Variants in LAMB4 observed in about 807,000 individuals in gnomAD.
The protein encoded by LAMB4 is laminin subunit beta 4, also known as laminin subunit beta-4.
A neutral mutation model predicts 199.2 loss-of-function variants in LAMB4; 196 were observed. The ratio of observed to expected loss-of-function variants is 0.98; its 90% CI spans 0.88 to 1.11. The LOEUF is 1.11. LAMB4 is among the 50% of genes least tolerant of loss of function. The pLI is 0.00. For missense variants in LAMB4, 2,080 were observed against 2,171.2 expected, an observed-to-expected ratio of 0.96 and a Z score of 0.83; for synonymous variants, 744 against 770.6, an observed-to-expected ratio of 0.97 and a Z score of 0.57.
chr7:108,106,343 A>G (rs1245076705), intron 7 of LAMB4, among the ~76,000 whole-genome samples, 166 bp downstream of exon 7: 3 of 152,030 alleles, frequency 2.0e-5, no homozygotes, highest in African/African-American at 4.8e-5. Context: ...GCTTGAACCC[A>G]GGAGGCGGAG....
chr7:108,106,635 T>TA, intron 6 of LAMB4, 63 bp from the exon 7 acceptor site: 2 of 929,918 alleles, frequency 2.2e-6, no homozygotes, highest in Non-Finnish European at 3.3e-6. Context: ...TCAAACACAC[T>TA]CTTTTTTTTT....
At chr7:108,014,356 G>A in the LAMB4 span, among the ~76,000 whole-genome samples, 1 of 152,182 alleles carries the variant, frequency 6.6e-6, no homozygotes, top group East Asian at 1.9e-4. Flanking sequence ...GGTCTGTTTG[G>A]GTTTGGATGC....
At chr7:108,088,823 G>A (rs557334474) in intron 14 of LAMB4, among the ~76,000 whole-genome samples, 1 of 152,302 alleles carries the variant, frequency 6.6e-6, no homozygotes, top group South Asian at 2.1e-4. Flanking sequence ...TGCACAGAAG[G>A]TGTATGGTGA....
At chr7:108,124,194 T>G (rs1308795744) in intron 1 of LAMB4, among the ~76,000 whole-genome samples, 1 of 152,164 alleles carries the variant, frequency 6.6e-6, no homozygotes, top group Admixed American at 6.5e-5. Flanking sequence ...TTTTATTTTT[T>G]GTAGAGATGG....
At chr7:108,127,301 C>T (rs1251315389) in intron 1 of LAMB4, among the ~76,000 whole-genome samples, 3 of 150,472 alleles carry the variant, frequency 2.0e-5, no homozygotes, top group African/African-American at 7.4e-5. Context: ...CCAGGTGAGT[C>T]CAATGGGCAG....
In LAMB4 at chr7:108,023,966, T is replaced by C. The variant is rs1301091501; in HGVS notation, c.*73A>G. 4.5e-6 allele frequency: 6 copies of C among 1,323,198 alleles called. No individual in the cohort carries two copies. The highest frequency in any genetic ancestry group is 6.2e-6 in the Non-Finnish European group (6 of 973,372). The allele number at this position is 1,323,198 out of a possible 1,614,324, so 82.0% of individuals were successfully genotyped here. On this transcript the variant is annotated 3_prime_UTR_variant, in exon 34 of 34. Coordinates refer to ENST00000388781, the MANE Select transcript of LAMB4 (RefSeq NM_007356.3). The stretch of plus-strand genomic sequence containing the variant: ...GAAGACATTGTCAGTATTTCACAGG[T>C]TCAACAGAGCCCCAGGGGCTTGTAC...
At position 108,068,079 on chromosome 7, in the gene LAMB4, C is replaced by A. The variant is rs767879041; in HGVS notation, c.2383G>T (p.Val795Phe). 2.5e-6 allele frequency: 4 copies of A among 1,614,182 alleles called. No homozygotes were observed. The East Asian group carries it at 8.9e-5, about 36-fold the overall frequency. ...GGQCQCKPLV[V>F]GRCCDRCSTG... Reference sequence around the variant, plus strand: ...GAGCACCTGTCACAGCAGCGCCCGACCACAAGAGGTTTACACTGGCACTGG... The same window carrying A: ...GAGCACCTGTCACAGCAGCGCCCGAACACAAGAGGTTTACACTGGCACTGG... Residue 795 changes from valine to phenylalanine, a missense_variant, in exon 19 of 34, where the codon GTC becomes TTC. Physicochemically the swap from Val to Phe is conservative, Grantham distance 50. Transcript: ENST00000388781.
rs751391444 is a variant in LAMB4 at position 108,111,858 on chromosome 7, A to G, written c.281T>C (p.Val94Ala). The change falls in exon 4 of 34, where the codon GTA becomes GCA. Residue 94 changes from valine to alanine, a missense_variant. Val to Ala is a moderately conservative substitution (Grantham distance 64, BLOSUM62 0). Coordinates refer to ENST00000388781, the MANE Select transcript of LAMB4 (RefSeq NM_007356.3). ...CTTTTCTCTGTCTGGTTCAAAACTT[A>G]CAATGACATTCTCAATGGTGTGGCT... ...PNSHTIENVI[V>A]SFEPDREKKW... The G allele has an allele frequency of 1.2e-6, 2 of 1,612,312 alleles. No homozygotes were observed. Among genetic ancestry groups the G allele is most frequent in the Non-Finnish European group, 1.7e-6 (2 of 1,179,234 alleles).
intron 17 of LAMB4, among the ~76,000 whole-genome samples, chr7:108,071,830 T>A (rs558776867): frequency 6.6e-6 from 1 of 152,240 alleles, no homozygotes; most frequent in Non-Finnish European, 1.5e-5. Flanking sequence ...CAATTCATTT[T>A]CTACACTAAA....
intron 25 of LAMB4, among the ~76,000 whole-genome samples, chr7:108,052,899 A>T (rs931209448): frequency 1.3e-5 from 2 of 152,176 alleles, no homozygotes; most frequent in Non-Finnish European, 2.9e-5. Flanking sequence ...CACATTCCTC[A>T]TGATGGAGAA....
intron 14 of LAMB4, among the ~76,000 whole-genome samples, chr7:108,080,634 TA>T (rs2036895288): frequency 6.6e-6 from 1 of 152,136 alleles, no homozygotes; most frequent in African/African-American, 2.4e-5. Context: ...AAATGTTTAG[TA>T]ACAATTATGT....
At chr7:108,047,852 G>C (rs1415832802) in intron 28 of LAMB4, 56 bp downstream of exon 28, 1 of 1,403,412 alleles carries the variant, frequency 7.1e-7, no homozygotes, top group Admixed American at 1.7e-5. Flanking sequence ...TAAATTTTAA[G>C]CAGTCTGCTT....
intron 20 of LAMB4, 115 bp from the exon 21 acceptor site, chr7:108,066,034 G>C: frequency 9.3e-7 from 1 of 1,075,786 alleles, no homozygotes; most frequent in Non-Finnish European, 1.3e-6. Context: ...TATTTTAGAA[G>C]ATGTTCATTT....
chr7:108,050,988 C>T (rs1254322933), intron 26 of LAMB4, among the ~76,000 whole-genome samples: 2 of 152,150 alleles, frequency 1.3e-5, no homozygotes, highest in Non-Finnish European at 2.9e-5. Context: ...TAGGGACTTG[C>T]TGTAATGATC....
rs2036860473 is a variant in LAMB4, at chr7:108,079,780, C to G, written c.1708G>C (p.Glu570Gln). Residue 570 changes from glutamate to glutamine, a missense_variant, in exon 15 of 34, where the codon GAG (glutamate) becomes CAG (glutamine). By Grantham distance (29) the Glu-to-Gln change is conservative (BLOSUM62 2). Coordinates refer to ENST00000388781, the MANE Select transcript of LAMB4 (RefSeq NM_007356.3). ...TLQGLAPLGS[E>Q]TFGQSPAVHV... ...ACAGCAGGACTCTGGCCAAACGTCT[C>G]CGAGCCCTAAAATGGGAGAGGAATG... The G allele has an allele frequency of 6.3e-7, 1 of 1,577,062 alleles. No homozygotes were observed. Among genetic ancestry groups the G allele is most frequent in the Non-Finnish European group, 8.6e-7 (1 of 1,164,366 alleles).
chr7:108,046,796 A>G (rs1049575521), intron 28 of LAMB4, among the ~76,000 whole-genome samples: 36 of 152,050 alleles, frequency 2.4e-4, no homozygotes, highest in Non-Finnish European at 4.1e-4. Flanking sequence ...TAACATTACA[A>G]TTTGTATATT....
chr7:108,096,412 G>A (rs1563088772), intron 11 of LAMB4, among the ~76,000 whole-genome samples: 1 of 152,098 alleles, frequency 6.6e-6, no homozygotes, highest in African/African-American at 2.4e-5. Context: ...TCCATCAGTG[G>A]ATACTTGGGT....
chr7:108,012,419 A>G, the LAMB4 span, among the ~76,000 whole-genome samples: 270 of 152,330 alleles, frequency 1.8e-3, 8 homozygotes, highest in East Asian at 0.048. Flanking sequence ...TTTGTCTATA[A>G]CTGGTAATAA....
In LAMB4 at chr7:108,079,888, G is replaced by A. The variant is rs117871946; in HGVS notation, c.1702-102C>T. 6.3e-6 allele frequency: 5 copies of A among 795,498 alleles called. No homozygotes were observed. In the African/African-American group the frequency reaches 7.0e-5, roughly 11 times the overall value. 49.3% of individuals were successfully genotyped at this position (795,498 alleles called of 1,614,324 possible). A position where few individuals can be genotyped will look rare whatever the true frequency, so the allele number is the denominator to read the frequency against. The stretch of plus-strand genomic sequence containing the variant: ...TGCACCACCCCCTGTATTTCCTGGT[G>A]TGTATATGATTCATATGAGTCACAG... On this transcript the variant is annotated intron_variant, in intron 14 of 33. Transcript: ENST00000388781.
Sources: allele counts gnomAD v4.1 joint callset (sites outside exome capture counted in the v4.1 genomes callset), GRCh38; gene constraint gnomAD v4.1.1; transcripts MANE v1.5; gene names NCBI Gene and HGNC (gene_info 2026-07-23, HGNC 2026-07-21).